TMEM45B: variants seen among roughly 807,000 people sequenced by gnomAD.
The protein encoded by TMEM45B is transmembrane protein 45B.
In TMEM45B, 29 loss-of-function variants were observed where a neutral mutation model predicts 27.3. The ratio of observed to expected loss-of-function variants is 1.06; its 90% CI spans 0.79 to 1.45. The LOEUF is 1.45. Among genes scored for constraint, TMEM45B ranks in the 40% most tolerant of loss-of-function variants. TMEM45B has a pLI of 0.00. For synonymous variants in TMEM45B, 143 were observed against 134.7 expected, an observed-to-expected ratio of 1.06 and a Z score of -0.43; for missense variants, 348 against 343.9, an observed-to-expected ratio of 1.01 and a Z score of -0.09.
chr11:129,816,899 G>A (rs1276725458), intron 1 of TMEM45B, among the ~76,000 whole-genome samples: 5 of 145,782 alleles, frequency 3.4e-5, no homozygotes, highest in South Asian at 2.2e-4. Flanking sequence ...CACCACGCCC[G>A]GCTAATTTTT....
intron 1 of TMEM45B, among the ~76,000 whole-genome samples, chr11:129,829,262 A>G (rs908433685): frequency 1.3e-5 from 2 of 152,164 alleles, no homozygotes; most frequent in Non-Finnish European, 2.9e-5. Context: ...CTTTAGGAAG[A>G]TGTAGGAAAT....
intron 1 of TMEM45B, among the ~76,000 whole-genome samples, chr11:129,838,485 C>T (rs1309047699): frequency 2.0e-5 from 3 of 152,124 alleles, no homozygotes; most frequent in East Asian, 1.9e-4. Flanking sequence ...TTTTGTGAGA[C>T]GGAGTTTCGC....
At chr11:129,845,833 T>C (rs997863013) in intron 1 of TMEM45B, among the ~76,000 whole-genome samples, 6 of 152,028 alleles carry the variant, frequency 3.9e-5, no homozygotes, top group Non-Finnish European at 7.4e-5. Context: ...GAAAAATAAA[T>C]GGCATCCAAG....
At chr11:129,849,602 C>T (rs1036638959) in intron 1 of TMEM45B, among the ~76,000 whole-genome samples, 4 of 152,224 alleles carry the variant, frequency 2.6e-5, no homozygotes, top group South Asian at 2.1e-4. Flanking sequence ...GCTCCCACAG[C>T]TCATACAGTA....
At chr11:129,829,711 G>A (rs1947525973) in intron 1 of TMEM45B, among the ~76,000 whole-genome samples, 1 of 152,126 alleles carries the variant, frequency 6.6e-6, no homozygotes, top group South Asian at 2.1e-4. Context: ...TCTTTCTCCT[G>A]TTTCCTCCAG....
At chr11:129,821,954 GT>G (rs1385384408) in intron 1 of TMEM45B, among the ~76,000 whole-genome samples, 4 of 151,908 alleles carry the variant, frequency 2.6e-5, no homozygotes, top group African/African-American at 9.7e-5. Flanking sequence ...GTTCTGAGTG[GT>G]TTTCTTCTGT....
chr11:129,858,737 G>A lies in TMEM45B; in HGVS notation c.*52G>A. 2 of 1,328,852 alleles carry A rather than the reference G, an allele frequency of 1.5e-6. No homozygotes were observed. Among genetic ancestry groups the A allele is most frequent in the Non-Finnish European group, 2.1e-6 (2 of 950,940 alleles). 82.3% of individuals were successfully genotyped at this position (1,328,852 alleles called of 1,614,324 possible). ...CCACTGCACAGCTGGAATGAATGGA[G>A]TTCATCCCCTCCACCTGAATGCCTG... On this transcript the variant is annotated 3_prime_UTR_variant, in exon 6 of 6. Transcript: ENST00000281441.
At chr11:129,822,207 T>C (rs1297602682) in intron 1 of TMEM45B, among the ~76,000 whole-genome samples, 1 of 152,234 alleles carries the variant, frequency 6.6e-6, no homozygotes, top group Non-Finnish European at 1.5e-5. Flanking sequence ...TTTTACAGTA[T>C]CCTGTTCTCA....
chr11:129,828,845 T>A (rs1161950446), intron 1 of TMEM45B, among the ~76,000 whole-genome samples: 1 of 152,248 alleles, frequency 6.6e-6, no homozygotes, highest in Non-Finnish European at 1.5e-5. Context: ...GATTATGTGA[T>A]GTTAAACAGT....
rs200040338 is a variant in TMEM45B, at chr11:129,837,585, C to CTTT, written c.-8-14877_-8-14875dup. Among the ~76,000 whole-genome samples, 21 of 80,286 alleles carry CTTT rather than the reference C, an allele frequency of 2.6e-4. 5 individuals carry two copies. The highest frequency in any genetic ancestry group is 7.6e-3 in the Middle Eastern group (1 of 132). The allele number at this position is 80,286 out of a possible 152,430, so 52.7% of individuals were successfully genotyped here. A position where few individuals can be genotyped will look rare whatever the true frequency, so the allele number is the denominator to read the frequency against. On this transcript the variant is annotated intron_variant, in intron 1 of 5. Transcript: ENST00000281441. ...TACAGGCATGAGCCACTGCACTGGG[C>CTTT]TTTTTTTTTTTTTTTGAGACAGGGT... is the stretch of plus-strand genomic sequence containing the variant.
chr11:129,841,591 T>C (rs375807385), intron 1 of TMEM45B, among the ~76,000 whole-genome samples: 1 of 129,328 alleles, frequency 7.7e-6, no homozygotes, highest in Non-Finnish European at 1.7e-5. Context: ...TTTGTTTTTT[T>C]GTTTTTTTTT....
chr11:129,849,517 C>T (rs532170119), intron 1 of TMEM45B, among the ~76,000 whole-genome samples: 1 of 152,364 alleles, frequency 6.6e-6, no homozygotes, highest in South Asian at 2.1e-4. Context: ...TCTGCAGTGG[C>T]TCCACCCCGG....
At chr11:129,829,055 G>A (rs1366897341) in intron 1 of TMEM45B, among the ~76,000 whole-genome samples, 2 of 152,290 alleles carry the variant, frequency 1.3e-5, no homozygotes, top group East Asian at 3.9e-4. Flanking sequence ...AAGCCTCACA[G>A]GATCCCTCCA....
At chr11:129,847,404 G>GTTATTTTTATT (rs1555072225) in intron 1 of TMEM45B, among the ~76,000 whole-genome samples, 2 of 147,976 alleles carry the variant, frequency 1.4e-5, no homozygotes, top group Non-Finnish European at 3.0e-5. Flanking sequence ...AGCTTATGAA[G>GTTATTTTTATT]TTATTTTTTT....
At chr11:129,839,487 T>C (rs692376) in intron 1 of TMEM45B, among the ~76,000 whole-genome samples, 53,371 of 152,014 alleles carry the variant, frequency 0.35, 9,606 homozygotes, top group East Asian at 0.47. Context: ...AAAGGAAATA[T>C]ATTGAAATAA....
chr11:129,848,374 G>C (rs1425488787), intron 1 of TMEM45B, among the ~76,000 whole-genome samples: 1 of 152,236 alleles, frequency 6.6e-6, no homozygotes, highest in African/African-American at 2.4e-5. Flanking sequence ...CCCGTCAGGC[G>C]TGGCGGCGCG....
intron 1 of TMEM45B, among the ~76,000 whole-genome samples, chr11:129,848,211 G>A (rs144472082): frequency 0.045 from 6,807 of 150,698 alleles, 557 homozygotes; most frequent in African/African-American, 0.16. Context: ...ACTGCACTCC[G>A]GCCTGGGCAC....
intron 1 of TMEM45B, among the ~76,000 whole-genome samples, chr11:129,820,883 A>G (rs1426449151): frequency 6.6e-6 from 1 of 152,052 alleles, no homozygotes; most frequent in Non-Finnish European, 1.5e-5. Context: ...TTTTTCTGAT[A>G]TTACCATATT....
chr11:129,851,530 T>G (rs1277767353), intron 1 of TMEM45B, among the ~76,000 whole-genome samples: 3 of 39,230 alleles, frequency 7.6e-5, no homozygotes, highest in Admixed American at 2.6e-4. Flanking sequence ...GGTGACAGAG[T>G]GAAACTCTGC....
Sources: allele counts gnomAD v4.1 joint callset (sites outside exome capture counted in the v4.1 genomes callset), GRCh38; gene constraint gnomAD v4.1.1; transcripts MANE v1.5; gene names NCBI Gene and HGNC (gene_info 2026-07-23, HGNC 2026-07-21).